ARHGEF16: variants seen among roughly 807,000 people sequenced by gnomAD.
ARHGEF16 encodes Rho guanine exchange factor (GEF) 16.
In ARHGEF16, 59 loss-of-function variants were observed where a neutral mutation model predicts 74.1. The observed-to-expected ratio is 0.80, with a 90% CI of 0.65 to 0.99. ARHGEF16 has a LOEUF of 0.99. Among genes scored for constraint, ARHGEF16 ranks in the 50% least tolerant of loss-of-function variants. ARHGEF16 has a pLI of 0.00. For synonymous variants in ARHGEF16, 415 were observed against 412.6 expected (o/e 1.01, Z -0.07); for missense variants, 948 against 986.6 (o/e 0.96, Z 0.52).
chr1:3,469,535 C>T lies in ARHGEF16; in HGVS notation c.964C>T (p.Gln322Ter), dbSNP rs767373641. 1 of 1,613,176 alleles carries T rather than the reference C, an allele frequency of 6.2e-7. No homozygotes were observed. The highest frequency in any genetic ancestry group is 8.5e-7 in the Non-Finnish European group (1 of 1,179,990). ...QSKELRATVT[Q>*]MEHHHLFSNI... ...CAAGGAGCTGCGGGCGACCGTGACC[C>T]AGATGGAGCACCACCACCTCTTCTC... Residue 322 changes from glutamine (Q) to a stop codon, truncating the protein, a stop_gained, in exon 6 of 15, where the codon CAG (glutamine) becomes TAG (stop). Transcript: ENST00000378378. LOFTEE classifies it high-confidence loss of function.
intron 1 of ARHGEF16, among the ~76,000 whole-genome samples, chr1:3,455,261 GGA>G (rs1639240611): frequency 6.6e-6 from 1 of 152,142 alleles, no homozygotes; most frequent in Non-Finnish European, 1.5e-5. Flanking sequence ...AGCTCTTTGG[GGA>G]ATCTGACACC....
chr1:3,471,480 G>A (rs1410523714), intron 6 of ARHGEF16: 1 of 292,660 alleles, frequency 3.4e-6, no homozygotes, highest in Non-Finnish European at 5.2e-6. Context: ...GCTTCCTGTA[G>A]AGCTCCAGGG....
At chr1:3,477,095 G>A (rs1000994739) in intron 10 of ARHGEF16, among the ~76,000 whole-genome samples, 2 of 151,924 alleles carry the variant, frequency 1.3e-5, no homozygotes, top group African/African-American at 4.8e-5. Context: ...CCATCCAGGA[G>A]GGAGGGTGGT....
At position 3,469,613 on chromosome 1, in the gene ARHGEF16, T is replaced by G. The variant is rs1639649036; in HGVS notation, c.1022+20T>G. 5.0e-6 allele frequency: 8 copies of G among 1,611,928 alleles called. No individual in the cohort carries two copies. Among genetic ancestry groups the G allele is most frequent in the Admixed American group, 1.7e-5 (1 of 59,972 alleles). ...TCAGAGGTGAGGCCACGCCACAGCC[T>G]TCCACACAGGGTCCTCTGCCAGGAA... On this transcript the variant is annotated intron_variant, in intron 6 of 14. Transcript: ENST00000378378.
chr1:3,472,059 G>A (rs558169262), intron 6 of ARHGEF16, among the ~76,000 whole-genome samples: 1 of 152,326 alleles, frequency 6.6e-6, no homozygotes, highest in East Asian at 1.9e-4. Context: ...GTCGGGCCCC[G>A]TGAGCAGAGG....
chr1:3,473,894 C>T (rs1639809327), intron 8 of ARHGEF16: 1 of 335,236 alleles, frequency 3.0e-6, no homozygotes, highest in Non-Finnish European at 5.6e-6. Context: ...GGCACCTACT[C>T]TCCCTGTTCT....
chr1:3,476,199 C>A, intron 10 of ARHGEF16, 137 bp downstream of exon 10: 1 of 865,454 alleles, frequency 1.2e-6, no homozygotes, highest in Non-Finnish European at 1.8e-6. Flanking sequence ...GGGGGCTGGG[C>A]CTCCTAGGGC....
intron 1 of ARHGEF16, among the ~76,000 whole-genome samples, chr1:3,459,322 T>C (rs900006882): frequency 6.6e-6 from 1 of 152,122 alleles, no homozygotes; most frequent in Non-Finnish European, 1.5e-5. Context: ...GATCGGGACA[T>C]TGGGGCCCTT....
chr1:3,480,644 G>A lies in ARHGEF16; in HGVS notation c.*57G>A. On this transcript the variant is annotated 3_prime_UTR_variant, in exon 15 of 15. Coordinates refer to ENST00000378378, the MANE Select transcript of ARHGEF16 (RefSeq NM_014448.4). Reference sequence around the variant, plus strand: ...CTGTCTCCAATCAGCAAGTGGTCGTGCCTGGCTCTAGAGAGCGTGGGGAGC... The same window carrying A: ...CTGTCTCCAATCAGCAAGTGGTCGTACCTGGCTCTAGAGAGCGTGGGGAGC... 6.3e-7 allele frequency: 1 copy of A among 1,580,660 alleles called. No homozygotes were observed. Among genetic ancestry groups the A allele is most frequent in the South Asian group, 1.1e-5 (1 of 88,312 alleles).
intron 1 of ARHGEF16, among the ~76,000 whole-genome samples, chr1:3,460,150 G>A (rs1384684518): frequency 6.6e-6 from 1 of 152,236 alleles, no homozygotes; most frequent in Non-Finnish European, 1.5e-5. Context: ...ACACCCCTCA[G>A]GCTCTCTGTT....
At chr1:3,479,266 G>A (rs1306825493) in intron 12 of ARHGEF16, among the ~76,000 whole-genome samples, 1 of 152,188 alleles carries the variant, frequency 6.6e-6, no homozygotes, top group East Asian at 1.9e-4. Flanking sequence ...GGGGCCCAGT[G>A]CCAGGAAACG....
intron 10 of ARHGEF16, among the ~76,000 whole-genome samples, chr1:3,476,987 C>A (rs1009881333): frequency 2.0e-5 from 3 of 152,058 alleles, no homozygotes; most frequent in Non-Finnish European, 4.4e-5. Context: ...AGAGCAAGGA[C>A]CCCCTCCCAG....
intron 2 of ARHGEF16, chr1:3,465,918 C>T (rs1639529371): frequency 5.4e-6 from 3 of 559,200 alleles, no homozygotes; most frequent in Non-Finnish European, 6.3e-6. Flanking sequence ...TGAGTTCAAC[C>T]CTTCCTCCTC....
chr1:3,467,405 C>T, intron 4 of ARHGEF16, 68 bp downstream of exon 4: 1 of 1,468,484 alleles, frequency 6.8e-7, no homozygotes, highest in Non-Finnish European at 9.1e-7. Context: ...CCTGCTGTTC[C>T]TTCCCCAAGC....
At chr1:3,473,015 T>A in intron 6 of ARHGEF16, 63 bp from the exon 7 acceptor site, 1 of 1,551,360 alleles carries the variant, frequency 6.4e-7, no homozygotes. Context: ...CATGTCTGTG[T>A]GTGCACACGT....
In ARHGEF16 at chr1:3,477,864, T is replaced by C. The variant is rs1639933343; in HGVS notation, c.1474-11T>C. The C allele has an allele frequency of 6.2e-7, 1 of 1,602,200 alleles. No homozygotes were observed. Among genetic ancestry groups the C allele is most frequent in the Admixed American group, 1.7e-5 (1 of 59,740 alleles). ...CGCACTGATCTCCGCCTCCCGGCTC[T>C]GTCCCCCCAGTCCCTCCCACTGATC... On this transcript the variant is annotated splice_polypyrimidine_tract_variant and intron_variant, in intron 10 of 14. Transcript: ENST00000378378.
chr1:3,464,669 G>A (rs557027987), intron 2 of ARHGEF16, among the ~76,000 whole-genome samples: 30 of 152,320 alleles, frequency 2.0e-4, no homozygotes, highest in African/African-American at 6.5e-4. Context: ...AGTGAAGGAC[G>A]AGGGCGGGGG....
intron 1 of ARHGEF16, among the ~76,000 whole-genome samples, chr1:3,456,435 A>G (rs1639267617): frequency 6.6e-6 from 1 of 152,206 alleles, no homozygotes; most frequent in African/African-American, 2.4e-5. Context: ...ACAGGGGACC[A>G]TCCGTCTGGA....
intron 6 of ARHGEF16, 59 bp downstream of exon 6, chr1:3,469,652 G>A (rs776330567): frequency 5.4e-5 from 87 of 1,598,102 alleles, no homozygotes; most frequent in Middle Eastern, 1.7e-4. Flanking sequence ...GCCTCCCCCC[G>A]TGGGCACCGC....
Sources: gnomAD v4.1 joint callset for allele counts (sites outside exome capture counted in the v4.1 genomes callset) on GRCh38, gnomAD v4.1.1 for gene constraint, MANE v1.5 for transcripts, NCBI Gene and HGNC (gene_info 2026-07-23, HGNC 2026-07-21) for gene names.